NDST4: variants seen among roughly 807,000 people sequenced by gnomAD.
The protein encoded by NDST4 is N-deacetylase and N-sulfotransferase 4.
A neutral mutation model predicts 100.8 loss-of-function variants in NDST4; 63 were observed. The ratio of observed to expected loss-of-function variants is 0.62; its 90% CI spans 0.51 to 0.77. NDST4 has a LOEUF of 0.77. Ranked by LOEUF, NDST4 falls within the 30% of genes least tolerant of loss-of-function variation. NDST4 has a pLI of 0.00. For missense variants in NDST4, 943 were observed against 1,018.4 expected (o/e 0.93, Z 1.01); for synonymous variants, 377 against 361.8 (o/e 1.04, Z -0.48).
chr4:115,036,749 C>T lies in NDST4; in HGVS notation c.978+39310G>A, dbSNP rs187146437. Among the ~76,000 whole-genome samples, 518 of 151,792 alleles carry T rather than the reference C, an allele frequency of 3.4e-3. 3 individuals are homozygous for T. Among genetic ancestry groups the T allele is most frequent in the Non-Finnish European group, 4.1e-3 (276 of 67,788 alleles). On this transcript the variant is annotated intron_variant, in intron 2 of 13. Transcript: ENST00000264363. ...GTAATTTACTTCCAAAGTTCTTGAC[C>T]TCAAAGTATGGTCTTAAACATAAAG...
Position 114,986,815 on chromosome 4 carries a change from TATATATATA to T in NDST4, c.979-9550_979-9542del, listed in dbSNP as rs1353735821. On this transcript the variant is annotated intron_variant, in intron 2 of 13. Coordinates refer to ENST00000264363, the MANE Select transcript of NDST4 (RefSeq NM_022569.3). ...ATACATATATATATATATATATATATATATATATATATATATATTTTAATATACTATTCC... is the reference window on the plus strand; with the variant it reads ...ATACATATATATATATATATATATATTATATATATTTTAATATACTATTCC... Among the ~76,000 whole-genome samples, 4 of 123,874 alleles carry T rather than the reference TATATATATA, an allele frequency of 3.2e-5. 1 individual carries two copies. Among genetic ancestry groups the T allele is most frequent in the South Asian group, 2.8e-4 (1 of 3,626 alleles). 81.3% of individuals were successfully genotyped at this position (123,874 alleles called of 152,430 possible).
rs770299380 is a variant in NDST4 at position 114,937,444 on chromosome 4, G to A, written c.1281C>T (p.Tyr427=). 7 of 1,611,898 alleles carry A rather than the reference G, an allele frequency of 4.3e-6. No homozygotes were observed. In the Admixed American group the frequency reaches 5.0e-5, roughly 12 times the overall value. ...YAVAPHHSGV[Y]PVHIQLYAAW... is the part of the protein sequence containing the mutation. ...CTGCATACAGCTGAATGTGAACCGG[G>A]TAGACCCCTGAGTGATGTGGGGCCA... The change falls in exon 5 of 14, where the codon TAC becomes TAT. Residue 427 remains tyrosine (Y), a synonymous_variant. Coordinates refer to ENST00000264363, the MANE Select transcript of NDST4 (RefSeq NM_022569.3).
intron 2 of NDST4, among the ~76,000 whole-genome samples, chr4:114,995,774 C>CT (rs1018591756): frequency 2.0e-5 from 3 of 151,846 alleles, no homozygotes; most frequent in East Asian, 3.9e-4. Context: ...ATGCAAAAAA[C>CT]TTTTTTTTGA....
intron 2 of NDST4, among the ~76,000 whole-genome samples, chr4:115,049,176 AC>A (rs1483759337): frequency 6.6e-6 from 1 of 152,106 alleles, no homozygotes; most frequent in Non-Finnish European, 1.5e-5. Context: ...ACATTTTGAA[AC>A]TTTGGTTTCG....
intron 3 of NDST4, among the ~76,000 whole-genome samples, chr4:114,976,655 G>A (rs1374116219): frequency 6.6e-6 from 1 of 151,848 alleles, no homozygotes; most frequent in East Asian, 1.9e-4. Context: ...TTTAGTCTAT[G>A]TTAGGCCAAA....
chr4:114,846,142 T>C (rs1282857546), intron 9 of NDST4, 145 bp from the exon 10 acceptor site: 1 of 746,152 alleles, frequency 1.3e-6, no homozygotes. Flanking sequence ...AGATATTCTA[T>C]ACACATTGAA....
chr4:114,935,232 G>C lies in NDST4; in HGVS notation c.1510C>G (p.Leu504Val), dbSNP rs761206860. Reference sequence around the variant, plus strand: ...GGGTTTAGAAGGATTGTGAGAAAAAGTTCACCTCCTCTGATACTTTTATCC... The same window carrying C: ...GGGTTTAGAAGGATTGTGAGAAAAACTTCACCTCCTCTGATACTTTTATCC... ...ELDKSIRGGELFLTILLNPIS... is the reference protein window; with the variant it reads ...ELDKSIRGGEVFLTILLNPIS... The change falls in exon 6 of 14, where the codon CTT (leucine) becomes GTT (valine). Residue 504 changes from leucine (L) to valine (V), a missense_variant. This residue lies in a region of NDST4 where 526 missense variants were observed against 634.1 expected (regional missense o/e 0.83). Transcript: ENST00000264363. 1.1e-5 allele frequency: 18 copies of C among 1,608,134 alleles called. No homozygotes were observed. Among genetic ancestry groups the C allele is most frequent in the Non-Finnish European group, 1.5e-5 (18 of 1,177,460 alleles).
Position 114,829,616 on chromosome 4 carries a change from CTCTA to C in NDST4, c.2499+170_2499+173del, listed in dbSNP as rs1042133606. The stretch of plus-strand genomic sequence containing the variant: ...TTAATTTTAGTATCTATCTACCGAT[CTCTA>C]TCTATCTATCATTTCTATGTGTCAA... On this transcript the variant is annotated intron_variant, in intron 13 of 13. Transcript: ENST00000264363. 4.0e-3 allele frequency among the ~76,000 whole-genome samples: 613 copies of C among 151,948 alleles called. 5 individuals carry two copies. Among genetic ancestry groups the C allele is most frequent in the African/African-American group, 0.014 (577 of 41,316 alleles).
Position 115,076,749 on chromosome 4 carries a change from TATG to T in NDST4, c.285_287del (p.Ile96del), listed in dbSNP as rs942494392. On this transcript the variant is annotated inframe_deletion, in exon 2 of 14. Coordinates refer to ENST00000264363, the MANE Select transcript of NDST4 (RefSeq NM_022569.3). ...GAAATCGGCTGGACTCCAAAATAGCTATGATATCTTGACCGAGTTGAGAGTATT... is the reference window on the plus strand; with the variant it reads ...GAAATCGGCTGGACTCCAAAATAGCTATATCTTGACCGAGTTGAGAGTATT... 4 of 1,613,874 alleles carry T rather than the reference TATG, an allele frequency of 2.5e-6. No homozygotes were observed. In the African/African-American group the frequency reaches 4.0e-5, roughly 16 times the overall value.
chr4:114,930,545 G>A (rs761767797), intron 6 of NDST4, among the ~76,000 whole-genome samples: 1 of 152,136 alleles, frequency 6.6e-6, no homozygotes, highest in Non-Finnish European at 1.5e-5. Flanking sequence ...TGAAAATAGT[G>A]TATGTGAATT....
intron 1 of NDST4, among the ~76,000 whole-genome samples, chr4:115,105,564 C>T (rs192887243): frequency 1.3e-5 from 2 of 152,218 alleles, no homozygotes; most frequent in Admixed American, 6.5e-5. Flanking sequence ...GGGCCAAGTG[C>T]TCATTCTAAA....
intron 10 of NDST4, among the ~76,000 whole-genome samples, chr4:114,844,111 A>T (rs1248881990): frequency 6.6e-6 from 1 of 152,052 alleles, no homozygotes; most frequent in African/African-American, 2.4e-5. Flanking sequence ...TGTTGATTTT[A>T]ATGTCTAAAT....
intron 9 of NDST4, 150 bp from the exon 10 acceptor site, chr4:114,846,147 A>G: frequency 2.7e-6 from 2 of 730,370 alleles, no homozygotes; most frequent in South Asian, 4.5e-5. Context: ...TTCTATACAC[A>G]TTGAATGTGA....
At chr4:114,902,712 T>A (rs1578377392) in intron 6 of NDST4, among the ~76,000 whole-genome samples, 2 of 152,146 alleles carry the variant, frequency 1.3e-5, no homozygotes, top group Middle Eastern at 6.8e-3. Flanking sequence ...ATGATTACAC[T>A]TTTGGTATTT....
intron 2 of NDST4, among the ~76,000 whole-genome samples, chr4:115,030,427 T>C (rs532135595): frequency 6.6e-6 from 1 of 152,088 alleles, no homozygotes; most frequent in Non-Finnish European, 1.5e-5. Context: ...AAACTGCCAG[T>C]TTGAACTTAA....
At position 115,007,568 on chromosome 4, in the gene NDST4, G is replaced by A. The variant is rs1220288481; in HGVS notation, c.979-30294C>T. ...TTTGTTTAAGAGGAAAGTAGGGTGA[G>A]CTGAGAATTCCAACAGAAAGCTGGA... On this transcript the variant is annotated intron_variant, in intron 2 of 13. Coordinates refer to ENST00000264363, the MANE Select transcript of NDST4 (RefSeq NM_022569.3). Among the ~76,000 whole-genome samples, 2 of 67,224 alleles carry A rather than the reference G, an allele frequency of 3.0e-5. 1 individual carries two copies. Among genetic ancestry groups the A allele is most frequent in the African/African-American group, 1.2e-4 (2 of 17,208 alleles). 44.1% of individuals were successfully genotyped at this position (67,224 alleles called of 152,430 possible). A position where few individuals can be genotyped will look rare whatever the true frequency, so the allele number is the denominator to read the frequency against.
intron 11 of NDST4, among the ~76,000 whole-genome samples, chr4:114,837,848 G>A (rs975126206): frequency 6.6e-6 from 1 of 152,128 alleles, no homozygotes; most frequent in Non-Finnish European, 1.5e-5. Flanking sequence ...AAACTAAAGA[G>A]CTTCTGCACA....
intron 2 of NDST4, among the ~76,000 whole-genome samples, chr4:114,978,142 T>C (rs13149368): frequency 6.6e-6 from 1 of 152,016 alleles, no homozygotes; most frequent in Admixed American, 6.6e-5. Flanking sequence ...CTATTTTTAA[T>C]GGATTTTTAA....
chr4:115,059,528 A>G (rs549579061), intron 2 of NDST4, among the ~76,000 whole-genome samples: 13 of 152,060 alleles, frequency 8.5e-5, no homozygotes, highest in Non-Finnish European at 1.9e-4. Flanking sequence ...CTAAGAACCT[A>G]CATCTGGGAA....
Sources: gnomAD v4.1 joint callset for allele counts (sites outside exome capture counted in the v4.1 genomes callset) on GRCh38, gnomAD v4.1.1 for gene constraint, gnomAD v4.1.1 regional missense constraint, MANE v1.5 for transcripts, NCBI Gene and HGNC (gene_info 2026-07-23, HGNC 2026-07-21) for gene names.